The following MAP2 variants were observed in gnomAD, a reference collection of about 807,000 sequenced individuals.
MAP2 encodes microtubule-associated protein 2.
In MAP2, 14 loss-of-function variants were observed where a neutral mutation model predicts 137.6. That is an observed-to-expected ratio of 0.10 (90% CI 0.07 to 0.16). The LOEUF is 0.16. Among genes scored for constraint, MAP2 ranks in the 10% least tolerant of loss-of-function variants. MAP2 has a pLI of 1.00. For synonymous variants in MAP2, 786 were observed against 782.3 expected, an observed-to-expected ratio of 1.00 and a Z score of -0.08; for missense variants, 2,088 against 2,191.5, an observed-to-expected ratio of 0.95 and a Z score of 0.94.
intron 3 of MAP2, among the ~76,000 whole-genome samples, chr2:209,620,006 G>T (rs1217911812): frequency 6.6e-6 from 1 of 152,126 alleles, no homozygotes; most frequent in Non-Finnish European, 1.5e-5. Flanking sequence ...TAATCCTGAA[G>T]GCTGTGAGTT....
chr2:209,444,907 A>C (rs550732642), intron 1 of MAP2, among the ~76,000 whole-genome samples: 6 of 151,590 alleles, frequency 4.0e-5, no homozygotes, highest in African/African-American at 1.4e-4. Context: ...TGATTGTCAC[A>C]TATAAAAAAG....
intron 1 of MAP2, among the ~76,000 whole-genome samples, chr2:209,426,382 A>T (rs7595924): frequency 0.57 from 86,071 of 151,784 alleles, 26,303 homozygotes; most frequent in African/African-American, 0.8. Context: ...TCCCTTTTCT[A>T]ATCAAATAAC....
At chr2:209,471,948 G>A (rs2149719378) in intron 1 of MAP2, among the ~76,000 whole-genome samples, 1 of 152,100 alleles carries the variant, frequency 6.6e-6, no homozygotes, top group East Asian at 1.9e-4. Flanking sequence ...CAAATTTTAT[G>A]GTTAAAAGGA....
chr2:209,717,358 T>G (rs971003408), intron 13 of MAP2, among the ~76,000 whole-genome samples: 1 of 152,144 alleles, frequency 6.6e-6, no homozygotes, highest in Admixed American at 6.5e-5. Context: ...CTCACCGTCT[T>G]GAGAACAGCA....
chr2:209,445,168 A>G (rs1214267789), intron 1 of MAP2, among the ~76,000 whole-genome samples: 2 of 151,584 alleles, frequency 1.3e-5, no homozygotes, highest in Non-Finnish European at 3.0e-5. Context: ...TTCCACATTT[A>G]AGTAATATTA....
chr2:209,452,930 T>A (rs1480484213), intron 1 of MAP2, among the ~76,000 whole-genome samples: 1 of 152,216 alleles, frequency 6.6e-6, no homozygotes, highest in Non-Finnish European at 1.5e-5. Context: ...AAATAATTTA[T>A]ACCTATCCAT....
Position 209,710,164 on chromosome 2 carries a change from G to A in MAP2, c.4983G>A (p.Arg1661=). The A allele has an allele frequency of 6.2e-7, 1 of 1,613,766 alleles. No homozygotes were observed. Among genetic ancestry groups the A allele is most frequent in the African/African-American group, 1.3e-5 (1 of 74,966 alleles). Residue 1661 remains arginine, a synonymous_variant, in exon 13 of 16, where the codon CGG becomes CGA. Coordinates refer to ENST00000682079, the MANE Select transcript of MAP2 (RefSeq NM_001375505.1). The part of the protein sequence containing the change: ...PKSPATPKQL[R]LINQPLPDLK... ...CTCCTGCGACTCCCAAGCAGCTTCGGCTTATTAACCAACCACTGCCAGACC... is the reference window on the plus strand; with the variant it reads ...CTCCTGCGACTCCCAAGCAGCTTCGACTTATTAACCAACCACTGCCAGACC...
chr2:209,588,252 A>C (rs368334744), intron 3 of MAP2, among the ~76,000 whole-genome samples: 1 of 152,240 alleles, frequency 6.6e-6, no homozygotes, highest in Non-Finnish European at 1.5e-5. Flanking sequence ...GTAGCACAGA[A>C]TCATCTCTGG....
At chr2:209,684,921 G>C (rs556691580) in intron 7 of MAP2, among the ~76,000 whole-genome samples, 5 of 152,206 alleles carry the variant, frequency 3.3e-5, no homozygotes, top group Non-Finnish European at 5.9e-5. Flanking sequence ...TGTGCTAAAT[G>C]AGGGGAAAGA....
At chr2:209,625,604 A>C (rs1056170346) in intron 4 of MAP2, among the ~76,000 whole-genome samples, 1 of 152,190 alleles carries the variant, frequency 6.6e-6, no homozygotes, top group Non-Finnish European at 1.5e-5. Flanking sequence ...CTGAGATTGC[A>C]TACATGGCTT....
At chr2:209,653,594 A>G (rs1374326453) in intron 5 of MAP2, among the ~76,000 whole-genome samples, 162 bp downstream of exon 5, 1 of 152,184 alleles carries the variant, frequency 6.6e-6, no homozygotes. Context: ...CATGGCAACT[A>G]ACTTGACATT....
chr2:209,541,312 G>A (rs2066993393), intron 2 of MAP2, among the ~76,000 whole-genome samples: 1 of 151,258 alleles, frequency 6.6e-6, no homozygotes. Context: ...TTACAGTCAT[G>A]AGCCACCCGC....
Position 209,593,656 on chromosome 2 carries a change from T to A in MAP2, c.-107+13556T>A, listed in dbSNP as rs1489031530. Among the ~76,000 whole-genome samples, 75 of 78,168 alleles carry A rather than the reference T, an allele frequency of 9.6e-4. 4 individuals are homozygous for A. Among genetic ancestry groups the A allele is most frequent in the Admixed American group, 2.2e-3 (11 of 4,908 alleles). 51.3% of individuals were successfully genotyped at this position (78,168 alleles called of 152,430 possible). The stretch of plus-strand genomic sequence containing the variant: ...AAAAATATATATATATATATATATA[T>A]ATATATATATATATATATGTATTAT... On this transcript the variant is annotated intron_variant, in intron 3 of 15. Transcript: ENST00000682079.
chr2:209,481,599 C>T (rs1708800812), intron 1 of MAP2, among the ~76,000 whole-genome samples: 1 of 152,066 alleles, frequency 6.6e-6, no homozygotes, highest in Admixed American at 6.6e-5. Context: ...TGTGGTCAAC[C>T]ACATCTAAAT....
Position 209,473,139 on chromosome 2 carries a change from T to C in MAP2, c.-221-34453T>C, listed in dbSNP as rs181620382. Reference sequence around the variant, plus strand: ...AACTATTATTGCACTTCCTGCTTAGTGTTGTGCTGTATTTTGGTCTGGTCT... The same window carrying C: ...AACTATTATTGCACTTCCTGCTTAGCGTTGTGCTGTATTTTGGTCTGGTCT... On this transcript the variant is annotated intron_variant, in intron 1 of 15. Coordinates refer to ENST00000682079, the MANE Select transcript of MAP2 (RefSeq NM_001375505.1). Among the ~76,000 whole-genome samples the C allele has an allele frequency of 1.1e-3, 169 of 152,278 alleles. No homozygotes were observed. In the Middle Eastern group the frequency reaches 0.014, roughly 12 times the overall value.
intron 4 of MAP2, among the ~76,000 whole-genome samples, chr2:209,646,655 A>T (rs2094440345): frequency 6.6e-6 from 1 of 152,204 alleles, no homozygotes. Flanking sequence ...AGTCTACATT[A>T]ATTATCATAT....
intron 3 of MAP2, among the ~76,000 whole-genome samples, chr2:209,587,206 C>T (rs1418406355): frequency 2.0e-5 from 3 of 152,058 alleles, no homozygotes; most frequent in African/African-American, 7.2e-5. Context: ...TACTGAGCTG[C>T]TAAATTCTCT....
intron 13 of MAP2, among the ~76,000 whole-genome samples, chr2:209,719,311 C>T (rs1183318652): frequency 6.6e-6 from 1 of 152,156 alleles, no homozygotes; most frequent in Admixed American, 6.5e-5. Context: ...CCTAGTCACC[C>T]TCCACATCTC....
At chr2:209,497,093 A>AT (rs1160700924) in intron 1 of MAP2, among the ~76,000 whole-genome samples, 2 of 152,116 alleles carry the variant, frequency 1.3e-5, no homozygotes, top group East Asian at 3.9e-4. Flanking sequence ...TAATCCCTAA[A>AT]TTCTGTATGG....
Sources: gnomAD v4.1 joint callset for allele counts (sites outside exome capture counted in the v4.1 genomes callset) on GRCh38, gnomAD v4.1.1 for gene constraint, MANE v1.5 for transcripts, NCBI Gene and HGNC (gene_info 2026-07-23, HGNC 2026-07-21) for gene names.